Variants in LRRFIP2 observed in about 807,000 individuals in gnomAD.
LRRFIP2 encodes LRR binding FLII interacting protein 2.
A neutral mutation model predicts 125.9 loss-of-function variants in LRRFIP2; 109 were observed. The observed-to-expected ratio is 0.87, with a 90% CI of 0.74 to 1.01. LRRFIP2 has a LOEUF of 1.01. Among genes scored for constraint, LRRFIP2 ranks in the 50% least tolerant of loss-of-function variants. LRRFIP2 has a pLI of 0.00. For missense variants in LRRFIP2, 850 were observed against 862.3 expected (o/e 0.99, Z 0.18); for synonymous variants, 291 against 293.1 (o/e 0.99, Z 0.07).
chr3:37,086,287 T>C (rs937113077), intron 18 of LRRFIP2, among the ~76,000 whole-genome samples: 5 of 152,288 alleles, frequency 3.3e-5, no homozygotes, highest in Admixed American at 2.6e-4. Context: ...CATAAAATGG[T>C]GCAGCTACTT....
At chr3:37,128,966 A>T in intron 3 of LRRFIP2, 97 bp downstream of exon 3, 11 of 1,076,772 alleles carry the variant, frequency 1.0e-5, no homozygotes, top group Non-Finnish European at 1.6e-5. Context: ...ACTATTTTCA[A>T]TGTTTCAAAG....
At chr3:37,090,790 C>T (rs933278490) in intron 18 of LRRFIP2, among the ~76,000 whole-genome samples, 1 of 151,982 alleles carries the variant, frequency 6.6e-6, no homozygotes, top group Non-Finnish European at 1.5e-5. Flanking sequence ...TCTTTTTTGA[C>T]CTATAGGTTA....
intron 8 of LRRFIP2, among the ~76,000 whole-genome samples, chr3:37,111,360 C>CT (rs2094538655): frequency 6.6e-6 from 1 of 152,150 alleles, no homozygotes. Context: ...TTGAACACTC[C>CT]TGGACAACTG....
intron 11 of LRRFIP2, 137 bp downstream of exon 11, chr3:37,109,390 C>G: frequency 1.1e-6 from 1 of 882,290 alleles, no homozygotes; most frequent in Non-Finnish European, 1.8e-6. Context: ...TAAGCACAGG[C>G]AGCACATTCT....
chr3:37,143,456 T>C, intron 2 of LRRFIP2: 1 of 206,594 alleles, frequency 4.8e-6, no homozygotes, highest in Non-Finnish European at 1.1e-5. Context: ...AGAGACAAAC[T>C]GTAACACACA....
intron 4 of LRRFIP2, among the ~76,000 whole-genome samples, chr3:37,123,959 T>C (rs2095173418): frequency 6.6e-6 from 1 of 152,190 alleles, no homozygotes; most frequent in Admixed American, 6.5e-5. Flanking sequence ...TTAAACAGCT[T>C]TTCTTGCTCC....
At chr3:37,088,292 T>C (rs1244761538) in intron 18 of LRRFIP2, among the ~76,000 whole-genome samples, 2 of 152,196 alleles carry the variant, frequency 1.3e-5, no homozygotes, top group East Asian at 1.9e-4. Flanking sequence ...CTATTAACTC[T>C]TGACAGTTCT....
At chr3:37,158,848 CCCTTTT>C (rs1479114441) in intron 1 of LRRFIP2, among the ~76,000 whole-genome samples, 1 of 152,028 alleles carries the variant, frequency 6.6e-6, no homozygotes, top group East Asian at 1.9e-4. Flanking sequence ...TTTAATTTTT[CCCTTTT>C]CAACAAATAT....
At chr3:37,160,171 A>G (rs1303243543) in intron 1 of LRRFIP2, among the ~76,000 whole-genome samples, 1 of 152,030 alleles carries the variant, frequency 6.6e-6, no homozygotes, top group Non-Finnish European at 1.5e-5. Context: ...AGGGTAAGCA[A>G]TGGGAACAGG....
intron 1 of LRRFIP2, among the ~76,000 whole-genome samples, chr3:37,160,478 T>C (rs1244201821): frequency 6.6e-6 from 1 of 152,068 alleles, no homozygotes; most frequent in Non-Finnish European, 1.5e-5. Flanking sequence ...CAAGGGGCTA[T>C]TAAAATATTC....
chr3:37,080,398 A>G (rs2092531901), intron 19 of LRRFIP2, among the ~76,000 whole-genome samples: 1 of 152,064 alleles, frequency 6.6e-6, no homozygotes, highest in Non-Finnish European at 1.5e-5. Context: ...CTCGTCTAAA[A>G]AAATAAAATA....
chr3:37,094,516 T>C (rs1015344313), intron 17 of LRRFIP2, among the ~76,000 whole-genome samples: 3 of 152,192 alleles, frequency 2.0e-5, no homozygotes, highest in Admixed American at 6.5e-5. Flanking sequence ...AGAATTACTT[T>C]TACATACATT....
chr3:37,146,451 C>T (rs1248579707), intron 2 of LRRFIP2, among the ~76,000 whole-genome samples: 1 of 152,070 alleles, frequency 6.6e-6, no homozygotes. Flanking sequence ...TATCCTGATG[C>T]TCTCCCTCAC....
chr3:37,134,379 C>A (rs1311201804), intron 2 of LRRFIP2, among the ~76,000 whole-genome samples: 1 of 152,140 alleles, frequency 6.6e-6, no homozygotes, highest in African/African-American at 2.4e-5. Context: ...CAGTTCGAGC[C>A]GGTACCTCAC....
chr3:37,054,012 G>T, intron 27 of LRRFIP2, 51 bp from the exon 28 acceptor site: 1 of 1,069,772 alleles, frequency 9.3e-7, no homozygotes, highest in Non-Finnish European at 1.5e-6. Flanking sequence ...ACAACATCCA[G>T]TGCTACTCTA....
intron 18 of LRRFIP2, among the ~76,000 whole-genome samples, chr3:37,088,838 T>A (rs562938269): frequency 6.6e-6 from 1 of 151,978 alleles, no homozygotes; most frequent in African/African-American, 2.4e-5. Flanking sequence ...ATTTTAATTT[T>A]AAAAAAAGTA....
intron 15 of LRRFIP2, among the ~76,000 whole-genome samples, chr3:37,099,391 A>C (rs2093901597): frequency 6.6e-6 from 1 of 152,214 alleles, no homozygotes; most frequent in Non-Finnish European, 1.5e-5. Flanking sequence ...AAGCTTTTTA[A>C]ACAGAATAAA....
intron 25 of LRRFIP2, among the ~76,000 whole-genome samples, chr3:37,056,956 T>C (rs1044694239): frequency 6.6e-6 from 1 of 152,108 alleles, no homozygotes; most frequent in Non-Finnish European, 1.5e-5. Flanking sequence ...AGTTTAAGTC[T>C]CTTATCTCAG....
chr3:37,162,670 A>C lies in LRRFIP2; in HGVS notation c.-56+11869T>G, dbSNP rs139134145. On this transcript the variant is annotated intron_variant, in intron 1 of 27. Coordinates refer to ENST00000336686, the MANE Select transcript of LRRFIP2 (RefSeq NM_006309.4). ...GGGAAACTTAGCATACAGGAAATAA[A>C]TCAAACACAGAAGAGGGGCAAAAGG... Among the ~76,000 whole-genome samples the C allele has an allele frequency of 6.4e-3, 980 of 152,338 alleles. 9 individuals carry two copies. Among genetic ancestry groups the C allele is most frequent in the African/African-American group, 0.022 (927 of 41,566 alleles).
Sources: gnomAD v4.1 joint callset for allele counts (sites outside exome capture counted in the v4.1 genomes callset) on GRCh38, gnomAD v4.1.1 for gene constraint, MANE v1.5 for transcripts, NCBI Gene and HGNC (gene_info 2026-07-23, HGNC 2026-07-21) for gene names.